B3GAT2: variants seen among roughly 807,000 people sequenced by gnomAD.
The protein encoded by B3GAT2 is beta-1,3-glucuronyltransferase 2.
In B3GAT2, 26 loss-of-function variants were observed where a neutral mutation model predicts 27.8. The ratio of observed to expected loss-of-function variants is 0.93; its 90% CI spans 0.68 to 1.30. The LOEUF (loss-of-function observed/expected upper bound fraction) is 1.30, where lower values mean the gene tolerates loss of function less well. Among genes scored for constraint, B3GAT2 ranks in the 50% most tolerant of loss-of-function variants. B3GAT2 has a pLI of 0.00. For synonymous variants in B3GAT2, 218 were observed against 195.1 expected, an observed-to-expected ratio of 1.12 and a Z score of -0.98; for missense variants, 458 against 459.0, an observed-to-expected ratio of 1.00 and a Z score of 0.02.
intron 2 of B3GAT2, among the ~76,000 whole-genome samples, chr6:70,878,713 C>A (rs1450594755): frequency 6.9e-6 from 1 of 144,384 alleles, no homozygotes; most frequent in Non-Finnish European, 1.5e-5. Context: ...TTTGGTTTCT[C>A]TTCTTCCTCT....
intron 2 of B3GAT2, among the ~76,000 whole-genome samples, chr6:70,864,036 C>T (rs1192475122): frequency 2.0e-5 from 3 of 150,828 alleles, no homozygotes; most frequent in African/African-American, 7.3e-5. Context: ...TGCTTTTTCC[C>T]ACATGCTTAT....
At position 70,870,938 on chromosome 6, in the gene B3GAT2, C is replaced by T. The variant is rs372671217; in HGVS notation, c.737-8960G>A. Among the ~76,000 whole-genome samples, 164 of 152,206 alleles carry T rather than the reference C, an allele frequency of 1.1e-3. 4 individuals carry two copies. In the South Asian group the frequency reaches 0.017, roughly 16 times the overall value. On this transcript the variant is annotated intron_variant, in intron 2 of 3. Coordinates refer to ENST00000230053, the MANE Select transcript of B3GAT2 (RefSeq NM_080742.3). ...CCTATTCCTAGTTTATTGATCTTCT[C>T]TCTAGTGTTTTTATCATGAAAGAAT...
chr6:70,918,555 G>A (rs1352223051), intron 1 of B3GAT2, among the ~76,000 whole-genome samples: 1 of 152,118 alleles, frequency 6.6e-6, no homozygotes, highest in Non-Finnish European at 1.5e-5. Flanking sequence ...TCCATGTTTA[G>A]TTCTTCCTTC....
At chr6:70,923,818 G>C (rs528217568) in intron 1 of B3GAT2, among the ~76,000 whole-genome samples, 3 of 152,126 alleles carry the variant, frequency 2.0e-5, no homozygotes, top group African/African-American at 7.2e-5. Flanking sequence ...TAAAAGTACT[G>C]AATGACATTG....
intron 1 of B3GAT2, among the ~76,000 whole-genome samples, chr6:70,920,932 T>C (rs770372056): frequency 4.6e-5 from 7 of 152,192 alleles, no homozygotes; most frequent in Non-Finnish European, 1.0e-4. Context: ...GTTGGAATTT[T>C]TTTTGCTGAA....
intron 1 of B3GAT2, among the ~76,000 whole-genome samples, chr6:70,915,184 G>C (rs1316009143): frequency 2.0e-5 from 3 of 151,980 alleles, no homozygotes; most frequent in Admixed American, 2.0e-4. Flanking sequence ...TCATATGTCT[G>C]TTGGCTGCAT....
intron 1 of B3GAT2, among the ~76,000 whole-genome samples, chr6:70,903,785 T>C (rs1045235558): frequency 6.6e-6 from 1 of 152,092 alleles, no homozygotes; most frequent in Non-Finnish European, 1.5e-5. Flanking sequence ...CTCATATACA[T>C]TCTTGGTGGT....
chr6:70,930,378 A>C (rs893321417), intron 1 of B3GAT2, among the ~76,000 whole-genome samples: 6 of 152,350 alleles, frequency 3.9e-5, no homozygotes, highest in African/African-American at 1.4e-4. Flanking sequence ...TGCACAGCAA[A>C]AGAAACTACC....
chr6:70,932,241 G>C (rs1044030641), intron 1 of B3GAT2, among the ~76,000 whole-genome samples: 1 of 152,086 alleles, frequency 6.6e-6, no homozygotes, highest in African/African-American at 2.4e-5. Flanking sequence ...CAGTAGGGTA[G>C]TTCTTCAAAA....
At chr6:70,946,882 TC>T (rs1765493728) in intron 1 of B3GAT2, among the ~76,000 whole-genome samples, 1 of 151,916 alleles carries the variant, frequency 6.6e-6, no homozygotes, top group South Asian at 2.1e-4. Context: ...ACAAACTGTC[TC>T]TCAGACCACA....
chr6:70,951,878 C>T (rs986179660), intron 1 of B3GAT2, among the ~76,000 whole-genome samples: 17 of 151,948 alleles, frequency 1.1e-4, no homozygotes, highest in African/African-American at 4.1e-4. Flanking sequence ...TTTAATGTTC[C>T]ACCCAAGAAA....
At chr6:70,861,799 C>A in intron 3 of B3GAT2, 31 bp downstream of exon 3, 1 of 1,613,966 alleles carries the variant, frequency 6.2e-7, no homozygotes, top group African/African-American at 1.3e-5. Context: ...TGGTGACACT[C>A]GAGGTCGGGC....
intron 1 of B3GAT2, among the ~76,000 whole-genome samples, chr6:70,902,326 A>G (rs2150035247): frequency 6.6e-6 from 1 of 151,806 alleles, no homozygotes; most frequent in Non-Finnish European, 1.5e-5. Context: ...ATGAATGGAC[A>G]TCCATGCTAA....
chr6:70,949,224 G>A (rs1249785698), intron 1 of B3GAT2, among the ~76,000 whole-genome samples: 2 of 151,764 alleles, frequency 1.3e-5, no homozygotes, highest in Non-Finnish European at 2.9e-5. Context: ...TTAAACTAAA[G>A]AGCTTCTGCA....
At chr6:70,907,452 C>A (rs527361281) in intron 1 of B3GAT2, among the ~76,000 whole-genome samples, 1 of 152,310 alleles carries the variant, frequency 6.6e-6, no homozygotes, top group African/African-American at 2.4e-5. Context: ...GGTGATGACA[C>A]CACTGAGTCA....
At chr6:70,862,917 C>T (rs1026269176) in intron 2 of B3GAT2, among the ~76,000 whole-genome samples, 9 of 152,106 alleles carry the variant, frequency 5.9e-5, no homozygotes, top group Non-Finnish European at 1.2e-4. Context: ...GTTGTGGCTG[C>T]TGTGAGCTAT....
intron 2 of B3GAT2, among the ~76,000 whole-genome samples, chr6:70,877,993 T>A (rs1161671765): frequency 6.6e-6 from 1 of 152,202 alleles, no homozygotes; most frequent in African/African-American, 2.4e-5. Context: ...CTAACTCCAC[T>A]TTTTAATTAT....
intron 2 of B3GAT2, among the ~76,000 whole-genome samples, chr6:70,888,381 T>C (rs551764949): frequency 6.6e-6 from 1 of 152,324 alleles, no homozygotes; most frequent in South Asian, 2.1e-4. Context: ...TTAACCAAAC[T>C]TAAATTTAAT....
intron 1 of B3GAT2, among the ~76,000 whole-genome samples, chr6:70,944,697 C>A (rs1168134126): frequency 1.3e-4 from 20 of 152,178 alleles, no homozygotes; most frequent in Admixed American, 1.3e-3. Flanking sequence ...ATGTCCCTGT[C>A]TGACAGCTTT....
Sources: allele counts gnomAD v4.1 joint callset (sites outside exome capture counted in the v4.1 genomes callset), GRCh38; gene constraint gnomAD v4.1.1; transcripts MANE v1.5; gene names NCBI Gene and HGNC (gene_info 2026-07-23, HGNC 2026-07-21).